NARS2: variants seen among roughly 807,000 people sequenced by gnomAD.
NARS2 encodes asparaginyl-tRNA synthetase 2, mitochondrial.
NARS2 carries 60 observed loss-of-function variants against 62.9 expected under a neutral mutation model. The ratio of observed to expected loss-of-function variants is 0.95; its 90% CI spans 0.77 to 1.18. The LOEUF (loss-of-function observed/expected upper bound fraction) is 1.18, where lower values mean the gene tolerates loss of function less well. Among genes scored for constraint, NARS2 ranks in the 50% most tolerant of loss-of-function variants. The pLI is 0.00. For missense variants in NARS2, 619 were observed against 576.4 expected (o/e 1.07, Z -0.76); for synonymous variants, 196 against 200.0 (o/e 0.98, Z 0.17).
At chr11:78,556,955 T>C (rs1458080991) in intron 5 of NARS2, among the ~76,000 whole-genome samples, 2 of 152,194 alleles carry the variant, frequency 1.3e-5, no homozygotes, top group Non-Finnish European at 2.9e-5. Context: ...CTTGACAGGA[T>C]AGAACCTCAA....
chr11:78,444,348 T>C (rs923172580), intron 11 of NARS2, among the ~76,000 whole-genome samples: 8 of 152,156 alleles, frequency 5.3e-5, no homozygotes, highest in Admixed American at 1.3e-4. Flanking sequence ...TATTAGGACA[T>C]ATAAAATAAA....
chr11:78,500,642 T>C (rs962580397), intron 6 of NARS2, among the ~76,000 whole-genome samples: 2 of 152,150 alleles, frequency 1.3e-5, no homozygotes, highest in Non-Finnish European at 2.9e-5. Flanking sequence ...CCCAGCTAAT[T>C]AAAAATTTTT....
At chr11:78,541,051 T>C (rs1855596797) in intron 5 of NARS2, among the ~76,000 whole-genome samples, 1 of 151,978 alleles carries the variant, frequency 6.6e-6, no homozygotes, top group African/African-American at 2.4e-5. Flanking sequence ...CCCAGCTACT[T>C]GGGAGGCTCA....
At chr11:78,564,859 T>C (rs1312354930) in intron 4 of NARS2, among the ~76,000 whole-genome samples, 1 of 152,266 alleles carries the variant, frequency 6.6e-6, no homozygotes, top group Non-Finnish European at 1.5e-5. Context: ...AAAGCCATGA[T>C]GTTCTTTAGC....
intron 11 of NARS2, among the ~76,000 whole-genome samples, chr11:78,454,663 G>A (rs1291530885): frequency 6.6e-6 from 1 of 151,294 alleles, no homozygotes; most frequent in East Asian, 1.9e-4. Flanking sequence ...CTGTCGCCTG[G>A]GCTGGAGTGC....
Position 78,534,315 on chromosome 11 carries a change from G to A in NARS2, c.595-5379C>T, listed in dbSNP as rs145476404. 5.0e-4 allele frequency among the ~76,000 whole-genome samples: 76 copies of A among 152,282 alleles called. No individual in the cohort carries two copies. The East Asian group carries it at 0.014, about 27-fold the overall frequency. Reference sequence around the variant, plus strand: ...GTTGTCAGTGTTATGGATGTTGGCCGCTCAATAGGTACATAGTGGTACTGA... The same window carrying A: ...GTTGTCAGTGTTATGGATGTTGGCCACTCAATAGGTACATAGTGGTACTGA... On this transcript the variant is annotated intron_variant, in intron 5 of 13. Transcript: ENST00000281038.
rs191482890 is a variant in NARS2 at position 78,443,428 on chromosome 11, G to C, written c.1262+233C>G. Among the ~76,000 whole-genome samples, 34 of 152,230 alleles carry C rather than the reference G, an allele frequency of 2.2e-4. No homozygotes were observed. The East Asian group carries it at 6.2e-3, about 28-fold the overall frequency. ...TAAAAAGCTACTTTCCATAGGGAAA[G>C]GTTTGTAAAAATGGGCAAATATCAC... On this transcript the variant is annotated intron_variant, in intron 12 of 13. Transcript: ENST00000281038.
At chr11:78,439,802 T>A (rs1857520315) in intron 13 of NARS2, among the ~76,000 whole-genome samples, 1 of 152,172 alleles carries the variant, frequency 6.6e-6, no homozygotes, top group Non-Finnish European at 1.5e-5. Flanking sequence ...GGTATTATTA[T>A]ACCAAGATCC....
At chr11:78,449,136 T>G (rs1038739951) in intron 11 of NARS2, among the ~76,000 whole-genome samples, 2 of 84,296 alleles carry the variant, frequency 2.4e-5, no homozygotes, top group Non-Finnish European at 4.4e-5. Context: ...AAAAAATGTT[T>G]TTTTTTTTTT....
intron 4 of NARS2, among the ~76,000 whole-genome samples, chr11:78,563,844 A>AC: frequency 1.5e-5 from 1 of 66,098 alleles, no homozygotes; most frequent in African/African-American, 7.3e-5. Context: ...AAAAAAAAAA[A>AC]AAAAAAAATA....
chr11:78,570,683 G>A (rs1168960847), intron 2 of NARS2, among the ~76,000 whole-genome samples: 1 of 152,198 alleles, frequency 6.6e-6, no homozygotes, highest in African/African-American at 2.4e-5. Context: ...GCCTGACCTA[G>A]TGTTAGTTTT....
chr11:78,492,354 G>C (rs1032842731), intron 7 of NARS2, among the ~76,000 whole-genome samples: 6 of 152,132 alleles, frequency 3.9e-5, no homozygotes, highest in South Asian at 2.1e-4. Flanking sequence ...TCCTAACAAG[G>C]CCTCTCTACT....
At chr11:78,505,520 G>A (rs1439142431) in intron 6 of NARS2, among the ~76,000 whole-genome samples, 2 of 151,832 alleles carry the variant, frequency 1.3e-5, no homozygotes, top group Non-Finnish European at 2.9e-5. Flanking sequence ...CAAAAGCATG[G>A]AAGTAATTCA....
In NARS2 at chr11:78,538,994, C is replaced by CAAAAA. The variant is rs59917269; in HGVS notation, c.595-10063_595-10059dup. Among the ~76,000 whole-genome samples, 90 of 49,792 alleles carry CAAAAA rather than the reference C, an allele frequency of 1.8e-3. 4 individuals are homozygous for CAAAAA. Among genetic ancestry groups the CAAAAA allele is most frequent in the East Asian group, 0.01 (7 of 680 alleles). 32.7% of individuals were successfully genotyped at this position (49,792 alleles called of 152,430 possible). Reference sequence around the variant, plus strand: ...TGGGCGACAGAGCGAGAATCCGTCTCAAAAAAAAAAAAAAAAAAAAAAAAA... The same window carrying CAAAAA: ...TGGGCGACAGAGCGAGAATCCGTCTCAAAAAAAAAAAAAAAAAAAAAAAAAAAAAA... On this transcript the variant is annotated intron_variant, in intron 5 of 13. Coordinates refer to ENST00000281038, the MANE Select transcript of NARS2 (RefSeq NM_024678.6).
intron 6 of NARS2, 101 bp downstream of exon 6, chr11:78,528,741 G>A: frequency 1.3e-6 from 1 of 765,168 alleles, no homozygotes; most frequent in Non-Finnish European, 2.2e-6. Context: ...GTGAACTAAT[G>A]ATAAAGACTA....
intron 11 of NARS2, among the ~76,000 whole-genome samples, chr11:78,450,397 T>C (rs924449222): frequency 6.6e-6 from 1 of 152,168 alleles, no homozygotes; most frequent in Admixed American, 6.5e-5. Flanking sequence ...CTTTACTTGG[T>C]ACTAATTTAA....
intron 11 of NARS2, among the ~76,000 whole-genome samples, chr11:78,461,620 A>G (rs1251207884): frequency 6.6e-6 from 1 of 150,496 alleles, no homozygotes; most frequent in Non-Finnish European, 1.5e-5. Context: ...AAAAAAAAAA[A>G]AAAAAAAAAA....
intron 11 of NARS2, among the ~76,000 whole-genome samples, chr11:78,450,483 T>G (rs1857929047): frequency 1.3e-5 from 2 of 152,160 alleles, no homozygotes; most frequent in Non-Finnish European, 2.9e-5. Context: ...TTCTCTCCAG[T>G]GGTCAGTCTC....
intron 12 of NARS2, among the ~76,000 whole-genome samples, chr11:78,443,326 CA>C (rs11409113): frequency 0.042 from 3,509 of 82,876 alleles, 53 homozygotes; most frequent in African/African-American, 0.074. Context: ...GACTCCGTCT[CA>C]AAAAAAAAAA....
Sources: gnomAD v4.1 joint callset for allele counts (sites outside exome capture counted in the v4.1 genomes callset) on GRCh38, gnomAD v4.1.1 for gene constraint, MANE v1.5 for transcripts, NCBI Gene and HGNC (gene_info 2026-07-23, HGNC 2026-07-21) for gene names.